The following AFG2A variants were observed in gnomAD, a reference collection of about 807,000 sequenced individuals.
AFG2A encodes the protein AAA ATPase AFG2A, also known as ATPase family gene 2 protein homolog A.
chr4:123,004,346 G>A, the AFG2A span, among the ~76,000 whole-genome samples: 10 of 152,208 alleles, frequency 6.6e-5, no homozygotes, highest in African/African-American at 2.4e-4. Flanking sequence ...GCACTCCCTA[G>A]TGAGATGAAC....
the AFG2A span, among the ~76,000 whole-genome samples, chr4:123,206,926 T>C: frequency 6.6e-6 from 1 of 152,194 alleles, no homozygotes; most frequent in African/African-American, 2.4e-5. Flanking sequence ...CTACTCTTGC[T>C]TCTCTCATGG....
chr4:123,069,825 T>C, the AFG2A span, among the ~76,000 whole-genome samples: 516 of 152,306 alleles, frequency 3.4e-3, 1 homozygote, highest in African/African-American at 0.012. Context: ...CTGTTAAGAC[T>C]AAAACGTAAA....
the AFG2A span, among the ~76,000 whole-genome samples, chr4:123,156,650 T>G: frequency 6.6e-6 from 1 of 152,010 alleles, no homozygotes; most frequent in Admixed American, 6.6e-5. Flanking sequence ...GTATTATTTT[T>G]AAGTTTCTAA....
the AFG2A span, among the ~76,000 whole-genome samples, chr4:123,261,235 A>T: frequency 6.6e-6 from 1 of 152,180 alleles, no homozygotes; most frequent in African/African-American, 2.4e-5. Flanking sequence ...ATCACCAAGT[A>T]GTCTACTATA....
chr4:122,994,006 TTGAG>T, the AFG2A span, among the ~76,000 whole-genome samples: 2 of 152,088 alleles, frequency 1.3e-5, no homozygotes, highest in African/African-American at 2.4e-5. Context: ...TCAATATTTG[TTGAG>T]TGAGTGAATG....
the AFG2A span, among the ~76,000 whole-genome samples, chr4:122,985,084 A>ATCTAG: frequency 2.0e-5 from 3 of 150,004 alleles, no homozygotes; most frequent in Non-Finnish European, 4.4e-5. Flanking sequence ...CTGTGAATCC[A>ATCTAG]TCTAGTCTTG....
At chr4:123,078,957 T>G in the AFG2A span, among the ~76,000 whole-genome samples, 1 of 152,216 alleles carries the variant, frequency 6.6e-6, no homozygotes, top group Non-Finnish European at 1.5e-5. Context: ...AAGTGTCCAG[T>G]GCCCTCCTTT....
chr4:123,067,513 TC>T, the AFG2A span, among the ~76,000 whole-genome samples: 4 of 149,406 alleles, frequency 2.7e-5, no homozygotes, highest in Non-Finnish European at 5.9e-5. Flanking sequence ...CGAGACTCCA[TC>T]CCCCCCAAAA....
the AFG2A span, among the ~76,000 whole-genome samples, chr4:123,020,625 A>G: frequency 1.3e-5 from 2 of 152,142 alleles, no homozygotes; most frequent in African/African-American, 2.4e-5. Context: ...AATTGGGATT[A>G]TAATGTATTA....
the AFG2A span, among the ~76,000 whole-genome samples, chr4:123,128,614 G>C: frequency 3.3e-5 from 5 of 151,962 alleles, no homozygotes; most frequent in African/African-American, 1.2e-4. Context: ...CTGTTGTGTA[G>C]TGTTAACATT....
the AFG2A span, among the ~76,000 whole-genome samples, chr4:123,254,459 ATCTTGTT>A: frequency 2.0e-5 from 3 of 152,102 alleles, no homozygotes; most frequent in African/African-American, 7.2e-5. Context: ...CTCTCACACT[ATCTTGTT>A]TCTTTAGCAT....
chr4:122,983,375 A>G, the AFG2A span, among the ~76,000 whole-genome samples: 4 of 150,262 alleles, frequency 2.7e-5, no homozygotes, highest in Non-Finnish European at 4.4e-5. Flanking sequence ...TTCTTTTTCT[A>G]TTTCTTTGTT....
the AFG2A span, among the ~76,000 whole-genome samples, chr4:122,992,978 G>GTGTGTGTGTGTGTA: frequency 0.014 from 1,853 of 134,916 alleles, 14 homozygotes; most frequent in Admixed American, 0.024. Context: ...GTGTGTGTAT[G>GTGTGTGTGTGTGTA]TGTGTGTGTG....
chr4:123,098,263 C>T, the AFG2A span, among the ~76,000 whole-genome samples: 1 of 151,814 alleles, frequency 6.6e-6, no homozygotes, highest in Non-Finnish European at 1.5e-5. Context: ...AAAATTGTAT[C>T]TGTTTATAGA....
chr4:123,180,663 A>G, the AFG2A span, among the ~76,000 whole-genome samples: 1 of 152,362 alleles, frequency 6.6e-6, no homozygotes, highest in South Asian at 2.1e-4. Context: ...TGTTTAAAAG[A>G]TGAACTAAAG....
the AFG2A span, among the ~76,000 whole-genome samples, chr4:123,200,436 A>C: frequency 6.6e-6 from 1 of 152,212 alleles, no homozygotes; most frequent in Admixed American, 6.5e-5. Context: ...TTATTAATAC[A>C]TGTTTTTTAA....
At chr4:122,971,246 A>G in the AFG2A span, among the ~76,000 whole-genome samples, 2 of 152,104 alleles carry the variant, frequency 1.3e-5, no homozygotes, top group Non-Finnish European at 2.9e-5. Context: ...ATCTCTACAG[A>G]AAATTTACAG....
chr4:123,228,968 AACAAT>A, the AFG2A span, among the ~76,000 whole-genome samples: 1 of 152,022 alleles, frequency 6.6e-6, no homozygotes, highest in African/African-American at 2.4e-5. Context: ...TGGAATCATG[AACAAT>A]ACAAGTATGG....
chr4:122,979,525 T>A, the AFG2A span: 1 of 963,922 alleles, frequency 1.0e-6, no homozygotes, highest in Non-Finnish European at 1.5e-6. Flanking sequence ...GAGATAGCTG[T>A]AAATTCAGTG....
Sources: gnomAD v4.1 joint callset for allele counts (sites outside exome capture counted in the v4.1 genomes callset) on GRCh38, gnomAD v4.1.1 for gene constraint, MANE v1.5 for transcripts, NCBI Gene and HGNC (gene_info 2026-07-23, HGNC 2026-07-21) for gene names.